The following DENND1A variants were observed in gnomAD, a reference collection of about 807,000 sequenced individuals.
The protein encoded by DENND1A is DENN domain-containing protein 1A.
DENND1A carries 51 observed loss-of-function variants against 113.7 expected under a neutral mutation model. The observed-to-expected ratio is 0.45, with a 90% CI of 0.36 to 0.57. DENND1A has a LOEUF of 0.57. Among genes scored for constraint, DENND1A ranks in the 20% least tolerant of loss-of-function variants. The pLI is 0.00. For synonymous variants in DENND1A, 565 were observed against 570.8 expected (o/e 0.99, Z 0.14); for missense variants, 1,258 against 1,395.9 (o/e 0.90, Z 1.57).
chr9:123,844,688 G>C (rs1307669222), intron 2 of DENND1A, among the ~76,000 whole-genome samples: 1 of 152,102 alleles, frequency 6.6e-6, no homozygotes, highest in Non-Finnish European at 1.5e-5. Context: ...CAAAATCCCA[G>C]CTGGGCTTTT....
Position 123,757,735 on chromosome 9 carries a change from A to G in DENND1A, c.270T>C (p.Ser90=). ...TACAGAAGCAGCTCTTCGCTCCTGA[A>G]GATAAGCGGCAGAACCCGAATCTCT... is the stretch of plus-strand genomic sequence containing the variant. ...SKQRFGFCRL[S]SGAKSCFCIL... Residue 90 remains serine, a synonymous_variant, in exon 5 of 24, where the codon TCT becomes TCC. Coordinates refer to ENST00000394215, the MANE Select transcript of DENND1A (RefSeq NM_001352964.2). The G allele has an allele frequency of 6.2e-7, 1 of 1,614,082 alleles. No homozygotes were observed. The highest frequency in any genetic ancestry group is 8.5e-7 in the Non-Finnish European group (1 of 1,179,996).
chr9:123,591,878 T>C (rs1414548172), intron 11 of DENND1A, among the ~76,000 whole-genome samples: 1 of 152,188 alleles, frequency 6.6e-6, no homozygotes, highest in Non-Finnish European at 1.5e-5. Flanking sequence ...ATTAGCATGA[T>C]TAATTAGTGT....
At chr9:123,804,406 C>T (rs1226987445) in intron 2 of DENND1A, among the ~76,000 whole-genome samples, 7 of 152,178 alleles carry the variant, frequency 4.6e-5, no homozygotes, top group Admixed American at 1.3e-4. Context: ...TTTCTTCAGG[C>T]GGCTTCCAAA....
intron 13 of DENND1A, among the ~76,000 whole-genome samples, chr9:123,485,022 G>A (rs1187912071): frequency 6.6e-6 from 1 of 152,174 alleles, no homozygotes; most frequent in South Asian, 2.1e-4. Flanking sequence ...GTGAGTGGTA[G>A]CCACTATAAT....
intron 2 of DENND1A, among the ~76,000 whole-genome samples, chr9:123,834,184 G>A (rs994605317): frequency 6.6e-5 from 10 of 152,130 alleles, no homozygotes; most frequent in Admixed American, 2.6e-4. Context: ...AAAGAAAATA[G>A]ATAAAAGGAA....
intron 11 of DENND1A, among the ~76,000 whole-genome samples, chr9:123,602,249 C>A (rs745906547): frequency 2.0e-5 from 3 of 152,172 alleles, no homozygotes; most frequent in Non-Finnish European, 2.9e-5. Context: ...ATACCTAATA[C>A]AATGTAAATG....
chr9:123,775,210 A>G (rs1040662086), intron 3 of DENND1A, among the ~76,000 whole-genome samples: 3 of 152,238 alleles, frequency 2.0e-5, no homozygotes, highest in African/African-American at 2.4e-5. Context: ...CATGCTTCAA[A>G]TACTGTACTT....
At chr9:123,476,699 C>G (rs1564561198) in intron 13 of DENND1A, among the ~76,000 whole-genome samples, 1 of 152,326 alleles carries the variant, frequency 6.6e-6, no homozygotes, top group East Asian at 1.9e-4. Flanking sequence ...GTAACAGACA[C>G]TTGTATGCTC....
In DENND1A at chr9:123,809,973, A is replaced by G. The variant is rs1002479294; in HGVS notation, c.89-17343T>C. 3.3e-4 allele frequency among the ~76,000 whole-genome samples: 50 copies of G among 152,186 alleles called. 2 individuals are homozygous for G. Among genetic ancestry groups the G allele is most frequent in the South Asian group, 8.3e-4 (4 of 4,836 alleles). On this transcript the variant is annotated intron_variant, in intron 2 of 23. Coordinates refer to ENST00000394215, the MANE Select transcript of DENND1A (RefSeq NM_001352964.2). ...TTAGGCAGGAGCCACCGGTCTGGTC[A>G]ACAATGAGAATTTTAAAGGCTCCTT...
chr9:123,734,319 C>G (rs1238538954), intron 5 of DENND1A, among the ~76,000 whole-genome samples: 1 of 152,194 alleles, frequency 6.6e-6, no homozygotes, highest in African/African-American at 2.4e-5. Flanking sequence ...TTAAAATACA[C>G]AGATGACTAC....
chr9:123,553,451 G>T (rs1383886318), intron 13 of DENND1A, among the ~76,000 whole-genome samples: 1 of 149,754 alleles, frequency 6.7e-6, no homozygotes, highest in Non-Finnish European at 1.5e-5. Flanking sequence ...GGCCAGGGTT[G>T]GGAACCACAA....
At chr9:123,592,962 CTAGGTAT>C (rs1256547851) in intron 11 of DENND1A, among the ~76,000 whole-genome samples, 3 of 152,084 alleles carry the variant, frequency 2.0e-5, no homozygotes, top group East Asian at 3.8e-4. Context: ...ATCAGAAGCA[CTAGGTAT>C]TAGTTATTAT....
At chr9:123,659,239 T>C (rs965278556) in intron 8 of DENND1A, among the ~76,000 whole-genome samples, 26 of 152,190 alleles carry the variant, frequency 1.7e-4, no homozygotes, top group African/African-American at 6.3e-4. Context: ...TATTTATCCT[T>C]TTTGTTGCTT....
chr9:123,568,496 G>T (rs573165927), intron 12 of DENND1A, among the ~76,000 whole-genome samples: 1 of 152,294 alleles, frequency 6.6e-6, no homozygotes, highest in African/African-American at 2.4e-5. Flanking sequence ...GCATCGAAAA[G>T]AATCATGGGT....
chr9:123,604,881 T>C (rs939713872), intron 11 of DENND1A, among the ~76,000 whole-genome samples: 2 of 152,182 alleles, frequency 1.3e-5, no homozygotes, highest in Admixed American at 6.5e-5. Flanking sequence ...TGAAGGCCAC[T>C]AAAGAAGTAA....
At chr9:123,845,900 TTCAGGTGACACAA>T (rs1428987294) in intron 2 of DENND1A, among the ~76,000 whole-genome samples, 2 of 152,030 alleles carry the variant, frequency 1.3e-5, no homozygotes, top group African/African-American at 4.8e-5. Flanking sequence ...AAACTTCTGT[TTCAGGTGACACAA>T]TCAAGAAAGA....
chr9:123,658,830 C>T (rs2063093521), intron 8 of DENND1A, among the ~76,000 whole-genome samples: 2 of 152,114 alleles, frequency 1.3e-5, no homozygotes, highest in South Asian at 4.2e-4. Flanking sequence ...GACATTTTAC[C>T]AAACGTTCAT....
intron 1 of DENND1A, among the ~76,000 whole-genome samples, chr9:123,883,671 C>T (rs532043378): frequency 1.3e-5 from 2 of 152,012 alleles, no homozygotes; most frequent in South Asian, 2.1e-4. Flanking sequence ...TTCAATAGTG[C>T]GTTTGCAATA....
chr9:123,757,944 A>T (rs2070710971), intron 4 of DENND1A, 122 bp from the exon 5 acceptor site: 4 of 1,216,678 alleles, frequency 3.3e-6, no homozygotes, highest in Non-Finnish European at 4.4e-6. Flanking sequence ...CTTAAAATTT[A>T]CACATTTCAA....
Sources: gnomAD v4.1 joint callset for allele counts (sites outside exome capture counted in the v4.1 genomes callset) on GRCh38, gnomAD v4.1.1 for gene constraint, MANE v1.5 for transcripts, NCBI Gene and HGNC (gene_info 2026-07-23, HGNC 2026-07-21) for gene names.